The following SPTB variants were observed in gnomAD, a reference collection of about 807,000 sequenced individuals.
The protein encoded by SPTB is spectrin beta chain, erythrocytic.
A neutral mutation model predicts 256.2 loss-of-function variants in SPTB; 45 were observed. That is an observed-to-expected ratio of 0.18 (90% confidence interval 0.14 to 0.23). The LOEUF is 0.23. Ranked by LOEUF, SPTB falls within the 10% of genes least tolerant of loss-of-function variation. The probability of loss-of-function intolerance (pLI) is 1.00; values close to 1 mark genes in which losing one functional copy is unlikely to be tolerated. For missense variants in SPTB, 2,715 were observed against 3,040.4 expected (o/e 0.89, Z 2.52); for synonymous variants, 1,231 against 1,243.1 (o/e 0.99, Z 0.21).
At position 64,806,973 on chromosome 14, in the gene SPTB, G is replaced by A. The variant is rs544953646; in HGVS notation, c.149-1883C>T. Among the ~76,000 whole-genome samples, 9 of 152,224 alleles carry A rather than the reference G, an allele frequency of 5.9e-5. No homozygotes were observed. Among genetic ancestry groups the A allele is most frequent in the Admixed American group, 1.3e-4 (2 of 15,286 alleles). ...AACTCCCCTTACCCTTTTGTCAACA[G>A]CAAATTAAACCACTTTCCTGATTTC... On this transcript the variant is annotated intron_variant, in intron 2 of 35. Transcript: ENST00000644917. This position sits in a 1 kb window ranked among gnomAD's most constrained non-coding sequence, Gnocchi z 4.1.
In SPTB at chr14:64,801,345, C is replaced by T. The variant is rs1256386270; in HGVS notation, c.703G>A (p.Glu235Lys). ...LKDSNARHNLEHAFNVAERQL... is the reference protein window; with the variant it reads ...LKDSNARHNLKHAFNVAERQL... ...CGCTCAGCCACATTGAATGCGTGCT[C>T]CAGGTTGTGCCGGGCATTGGAGTCC... is the stretch of plus-strand genomic sequence containing the variant. The change falls in exon 7 of 36, where the codon GAG (glutamate) becomes AAG (lysine). Residue 235 changes from glutamate to lysine, a missense_variant. Physicochemically the swap from Glu to Lys is moderately conservative, Grantham distance 56. Around this residue, in one of 4 missense-constraint regions of SPTB, gnomAD observed 416 missense variants for 571.1 expected, o/e 0.73. Coordinates refer to ENST00000644917, the MANE Select transcript of SPTB (RefSeq NM_001355436.2). 1 of 1,614,192 alleles carries T rather than the reference C, an allele frequency of 6.2e-7. No individual in the cohort carries two copies. The highest frequency in any genetic ancestry group is 1.1e-5 in the South Asian group (1 of 91,080).
At chr14:64,787,237 C>T in intron 15 of SPTB, 77 bp from the exon 16 acceptor site, 3 of 1,567,896 alleles carry the variant, frequency 1.9e-6, no homozygotes, top group Non-Finnish European at 2.6e-6. Context: ...GACCCTGACC[C>T]CTTCCCACAT....
chr14:64,789,679 C>T (rs2139579198), intron 15 of SPTB, among the ~76,000 whole-genome samples: 1 of 152,178 alleles, frequency 6.6e-6, no homozygotes, highest in Admixed American at 6.5e-5. Flanking sequence ...AGCCCTTGGG[C>T]AATATAAATA....
chr14:64,856,577 A>C (rs191765419), intron 1 of SPTB, among the ~76,000 whole-genome samples: 213 of 152,302 alleles, frequency 1.4e-3, no homozygotes, highest in Non-Finnish European at 2.4e-3. Context: ...CTTCCATTTG[A>C]AAAGGAAGAG....
intron 20 of SPTB, among the ~76,000 whole-genome samples, chr14:64,781,682 AACT>A (rs2082474512): frequency 6.6e-6 from 1 of 152,224 alleles, no homozygotes; most frequent in Non-Finnish European, 1.5e-5. Context: ...CTAAAAGCAG[AACT>A]ACTATTTGAC....
At chr14:64,822,682 G>T (rs560695362) in intron 2 of SPTB, among the ~76,000 whole-genome samples, 8 of 152,202 alleles carry the variant, frequency 5.3e-5, no homozygotes, top group African/African-American at 1.9e-4. Flanking sequence ...TCACTTGGCC[G>T]CAGGTCACTC....
chr14:64,784,278 G>A lies in SPTB; in HGVS notation c.3971C>T (p.Ser1324Phe). The change falls in exon 19 of 36, where the codon TCC (serine) becomes TTC (phenylalanine). Residue 1324 changes from serine to phenylalanine, a missense_variant. By Grantham distance (155) the Ser-to-Phe change is radical (BLOSUM62 -2). Transcript: ENST00000644917. Reference sequence around the variant, plus strand: ...GATGTTCTCTAGCCACCCTTCATGGGAAGCCAGCTCTGCCACAAACGCCTG... The same window carrying A: ...GATGTTCTCTAGCCACCCTTCATGGAAAGCCAGCTCTGCCACAAACGCCTG... Reference protein sequence around the residue: ...KHQAFVAELASHEGWLENIDA... With the variant: ...KHQAFVAELAFHEGWLENIDA... 2 of 1,614,258 alleles carry A rather than the reference G, an allele frequency of 1.2e-6. No homozygotes were observed. Among genetic ancestry groups the A allele is most frequent in the Non-Finnish European group, 1.7e-6 (2 of 1,180,044 alleles).
In SPTB at chr14:64,847,450, G is replaced by A. The variant is rs969988666; in HGVS notation, c.-51-24305C>T. Among the ~76,000 whole-genome samples, 4 of 152,162 alleles carry A rather than the reference G, an allele frequency of 2.6e-5. No individual in the cohort carries two copies. The highest frequency in any genetic ancestry group is 7.2e-5 in the African/African-American group (3 of 41,430). Reference sequence around the variant, plus strand: ...GTGTCCAGTGGGAATTGGAGGAGGGGGTAGACGTGTAGGGAAAAGCCTATT... The same window carrying A: ...GTGTCCAGTGGGAATTGGAGGAGGGAGTAGACGTGTAGGGAAAAGCCTATT... On this transcript the variant is annotated intron_variant, in intron 1 of 35. Transcript: ENST00000644917. This position sits in a 1 kb window ranked among gnomAD's most constrained non-coding sequence, Gnocchi z 5.9.
chr14:64,808,919 G>A (rs1481940332), intron 2 of SPTB, among the ~76,000 whole-genome samples: 4 of 151,930 alleles, frequency 2.6e-5, no homozygotes, highest in East Asian at 1.9e-4. Flanking sequence ...GATTGTGAAG[G>A]GGAGGGGAGC....
At chr14:64,773,095 C>A in intron 25 of SPTB, 125 bp downstream of exon 25, 1 of 1,541,896 alleles carries the variant, frequency 6.5e-7, no homozygotes, top group Non-Finnish European at 8.8e-7. Flanking sequence ...AGGCCTGCAT[C>A]GGCTGGTCCC....
intron 32 of SPTB, chr14:64,766,424 G>A: frequency 7.2e-7 from 1 of 1,396,662 alleles, no homozygotes; most frequent in Non-Finnish European, 9.3e-7. Context: ...TGTAAATGGT[G>A]ATATATTTAT....
chr14:64,812,484 G>A (rs886725549), intron 2 of SPTB, among the ~76,000 whole-genome samples: 3 of 152,124 alleles, frequency 2.0e-5, no homozygotes, highest in East Asian at 1.9e-4. Context: ...CTACCTCCTC[G>A]ACACCCACAC....
intron 1 of SPTB, among the ~76,000 whole-genome samples, chr14:64,856,704 T>C (rs2083879709): frequency 6.6e-6 from 1 of 152,240 alleles, no homozygotes; most frequent in African/African-American, 2.4e-5. Flanking sequence ...GGCAATGAAA[T>C]GTTCCCAAGG....
At chr14:64,846,778 A>G (rs1411772910) in intron 1 of SPTB, among the ~76,000 whole-genome samples, 1 of 152,242 alleles carries the variant, frequency 6.6e-6, no homozygotes, top group African/African-American at 2.4e-5. Flanking sequence ...TATATGTCAG[A>G]AAGGGCCTTT....
At position 64,759,234 on chromosome 14, in the gene SPTB, AG is replaced by A. The variant is rs1446106556; in HGVS notation, c.6346-5442del. Among the ~76,000 whole-genome samples the A allele has an allele frequency of 9.2e-6, 1 of 109,044 alleles. No homozygotes were observed. Among genetic ancestry groups the A allele is most frequent in the African/African-American group, 4.1e-5 (1 of 24,512 alleles). 71.5% of individuals were successfully genotyped at this position (109,044 alleles called of 152,430 possible). ...GGCACCACAGGTGGTGTGGGAAGGC[AG>A]GGAGCCAAGTAGCTAGGCAGGGAGC... On this transcript the variant is annotated intron_variant, in intron 32 of 35. Coordinates refer to ENST00000644917, the MANE Select transcript of SPTB (RefSeq NM_001355436.2). This position sits in a 1 kb window ranked among gnomAD's most constrained non-coding sequence, Gnocchi z 4.8.
intron 2 of SPTB, among the ~76,000 whole-genome samples, chr14:64,822,014 T>C (rs3819918): frequency 0.081 from 12,358 of 151,638 alleles, 513 homozygotes; most frequent in Middle Eastern, 0.11. Flanking sequence ...AGCGGGAGAA[T>C]CACTCCAGAA....
At chr14:64,815,700 C>T (rs1262910841) in intron 2 of SPTB, among the ~76,000 whole-genome samples, 2 of 152,274 alleles carry the variant, frequency 1.3e-5, no homozygotes, top group African/African-American at 2.4e-5. Context: ...GGAGAAGCGC[C>T]GATTTGCTGA....
rs12433931 is a variant in SPTB at position 64,856,623 on chromosome 14, C to A, written c.-52+23169G>T. On this transcript the variant is annotated intron_variant, in intron 1 of 35. Transcript: ENST00000644917. Reference sequence around the variant, plus strand: ...CCAACTTGCCTGCAAATGGATTAGCCAGGGCAAACTTTGCAAATCAAATGC... The same window carrying A: ...CCAACTTGCCTGCAAATGGATTAGCAAGGGCAAACTTTGCAAATCAAATGC... Among the ~76,000 whole-genome samples the A allele has an allele frequency of 7.7e-4, 118 of 152,344 alleles. 1 individual carries two copies. Among genetic ancestry groups the A allele is most frequent in the Admixed American group, 7.1e-3 (109 of 15,304 alleles).
At chr14:64,842,945 T>C (rs2139756711) in intron 1 of SPTB, among the ~76,000 whole-genome samples, 1 of 152,212 alleles carries the variant, frequency 6.6e-6, no homozygotes, top group African/African-American at 2.4e-5. Context: ...CACACACCTA[T>C]AGTCTCAGCT....
Sources: gnomAD v4.1 joint callset for allele counts (sites outside exome capture counted in the v4.1 genomes callset) on GRCh38, gnomAD v4.1.1 for gene constraint, gnomAD v4.1.1 regional missense constraint, Gnocchi (gnomAD v3.1) non-coding constraint, MANE v1.5 for transcripts, NCBI Gene and HGNC (gene_info 2026-07-23, HGNC 2026-07-21) for gene names.